The following SLC24A2 variants were observed in gnomAD, a reference collection of about 807,000 sequenced individuals.
The protein encoded by SLC24A2 is sodium/potassium/calcium exchanger 2.
A neutral mutation model predicts 62.0 loss-of-function variants in SLC24A2; 36 were observed. The observed-to-expected ratio is 0.58, with a 90% confidence interval of 0.44 to 0.77. The LOEUF (loss-of-function observed/expected upper bound fraction) is 0.77, where lower values mean the gene tolerates loss of function less well. SLC24A2 is among the 30% of genes least tolerant of loss of function. SLC24A2 has a pLI of 0.00. For synonymous variants in SLC24A2, 358 were observed against 294.0 expected, an observed-to-expected ratio of 1.22 and a Z score of -2.23; for missense variants, 846 against 817.9, an observed-to-expected ratio of 1.03 and a Z score of -0.42.
chr9:20,050,390 T>C, the SLC24A2 span, among the ~76,000 whole-genome samples: 5 of 152,184 alleles, frequency 3.3e-5, no homozygotes, highest in African/African-American at 1.2e-4. Flanking sequence ...CACTCTAGCC[T>C]GGATGACAGA....
intron 2 of SLC24A2, among the ~76,000 whole-genome samples, chr9:19,633,118 T>G (rs1334428715): frequency 1.3e-5 from 2 of 152,242 alleles, no homozygotes; most frequent in South Asian, 4.1e-4. Flanking sequence ...AGGGTCTAAG[T>G]TATTGTATGT....
chr9:20,300,050 G>T, the SLC24A2 span, among the ~76,000 whole-genome samples: 2 of 152,178 alleles, frequency 1.3e-5, no homozygotes, highest in Non-Finnish European at 1.5e-5. Flanking sequence ...AAATATAGAA[G>T]ATGGATAGGT....
intron 1 of SLC24A2, chr9:19,788,450 G>T: frequency 1.1e-6 from 1 of 948,662 alleles, no homozygotes; most frequent in Non-Finnish European, 1.3e-6. Context: ...GCCCCCAGCC[G>T]CGCCCCAACT....
the SLC24A2 span, among the ~76,000 whole-genome samples, chr9:19,969,182 G>GCC: frequency 3.0e-5 from 1 of 33,474 alleles, no homozygotes; most frequent in Non-Finnish European, 7.3e-5. Context: ...CACCTCCTTT[G>GCC]CCACACACAC....
intron 2 of SLC24A2, among the ~76,000 whole-genome samples, chr9:19,749,849 C>T (rs1821933568): frequency 6.6e-6 from 1 of 152,174 alleles, no homozygotes; most frequent in Non-Finnish European, 1.5e-5. Context: ...CTGGGACTTG[C>T]TAACATTTTT....
intron 2 of SLC24A2, among the ~76,000 whole-genome samples, chr9:19,750,812 G>A (rs1365813754): frequency 6.6e-6 from 1 of 152,110 alleles, no homozygotes; most frequent in Admixed American, 6.6e-5. Context: ...CAAGCTACCG[G>A]CCAGGTGTCT....
the SLC24A2 span, among the ~76,000 whole-genome samples, chr9:20,271,532 T>G: frequency 6.6e-6 from 1 of 152,236 alleles, no homozygotes; most frequent in African/African-American, 2.4e-5. Flanking sequence ...TGACTGAGAT[T>G]ATCAGCACAC....
the SLC24A2 span, among the ~76,000 whole-genome samples, chr9:20,248,778 G>GGATC: frequency 6.6e-6 from 1 of 152,158 alleles, no homozygotes; most frequent in Non-Finnish European, 1.5e-5. Flanking sequence ...CTATCCAACT[G>GGATC]CAAATCCTGA....
In SLC24A2 at chr9:19,712,751, G is replaced by A. The variant is rs1820750205; in HGVS notation, c.930+73186C>T. Among the ~76,000 whole-genome samples, 5 of 152,194 alleles carry A rather than the reference G, an allele frequency of 3.3e-5. No homozygotes were observed. In the South Asian group the frequency reaches 1.0e-3, roughly 32 times the overall value. ...TCTTATCCTGGAATGCTCTTTCTCT[G>A]GATCAGGGTTTCTTAACTTCAGTGC... On this transcript the variant is annotated intron_variant, in intron 2 of 10. Coordinates refer to ENST00000341998, the MANE Select transcript of SLC24A2 (RefSeq NM_020344.4).
rs12236893 is a variant in SLC24A2 at position 19,513,200 on chromosome 9, T to C, written c.*2953A>G. 1.0e-5 allele frequency: 1 copy of C among 97,504 alleles called. No individual in the cohort carries two copies. Among genetic ancestry groups the C allele is most frequent in the Non-Finnish European group, 2.0e-5 (1 of 50,230 alleles). 6.0% of individuals were successfully genotyped at this position (97,504 alleles called of 1,614,324 possible). A position where few individuals can be genotyped will look rare whatever the true frequency, so the allele number is the denominator to read the frequency against. On this transcript the variant is annotated 3_prime_UTR_variant, in exon 11 of 11. Transcript: ENST00000341998. Reference sequence around the variant, plus strand: ...TGTATATATATATATATGTATATATTTATATATGTATATACACAGGCATGC... The same window carrying C: ...TGTATATATATATATATGTATATATCTATATATGTATATACACAGGCATGC...
chr9:20,092,662 T>C, the SLC24A2 span, among the ~76,000 whole-genome samples: 13 of 152,234 alleles, frequency 8.5e-5, no homozygotes, highest in South Asian at 4.1e-4. Context: ...TATGGATACA[T>C]TGTATGCTTA....
At chr9:19,670,845 G>A (rs1026338812) in intron 2 of SLC24A2, among the ~76,000 whole-genome samples, 43 of 152,150 alleles carry the variant, frequency 2.8e-4, no homozygotes, top group African/African-American at 1.0e-3. Flanking sequence ...TGTGCTCGAT[G>A]AACCTTATGG....
chr9:20,073,827 TA>T, the SLC24A2 span, among the ~76,000 whole-genome samples: 2 of 150,860 alleles, frequency 1.3e-5, no homozygotes, highest in South Asian at 4.2e-4. Flanking sequence ...TGCATAATAC[TA>T]ATACAAACTT....
intron 2 of SLC24A2, among the ~76,000 whole-genome samples, chr9:19,622,767 T>A (rs991652307): frequency 1.4e-4 from 21 of 152,106 alleles, no homozygotes; most frequent in African/African-American, 4.6e-4. Context: ...GATACCAAAC[T>A]GTTATTAGTG....
At chr9:20,164,867 A>G in the SLC24A2 span, among the ~76,000 whole-genome samples, 26 of 151,560 alleles carry the variant, frequency 1.7e-4, no homozygotes, top group African/African-American at 6.3e-4. Context: ...CATCATTCTC[A>G]GTAAACTATC....
the SLC24A2 span, among the ~76,000 whole-genome samples, chr9:20,065,552 G>T: frequency 2.0e-5 from 3 of 152,178 alleles, no homozygotes; most frequent in African/African-American, 4.8e-5. Context: ...AATACTTCCA[G>T]CAACACTGTG....
chr9:19,684,092 G>C (rs568477300), intron 2 of SLC24A2, among the ~76,000 whole-genome samples: 43 of 152,296 alleles, frequency 2.8e-4, no homozygotes, highest in Admixed American at 1.6e-3. Context: ...GGGTGCTCTA[G>C]GGGACCAGGC....
At chr9:19,629,425 AC>A (rs1308130819) in intron 2 of SLC24A2, among the ~76,000 whole-genome samples, 73 of 152,228 alleles carry the variant, frequency 4.8e-4, no homozygotes, top group Admixed American at 1.5e-3. Flanking sequence ...TTTATTTTGT[AC>A]AAAAAGCTAG....
chr9:20,089,438 C>T, the SLC24A2 span, among the ~76,000 whole-genome samples: 4 of 152,100 alleles, frequency 2.6e-5, no homozygotes, highest in African/African-American at 4.8e-5. Context: ...TGCAGTGCTA[C>T]TGCCCTAACA....
Sources: gnomAD v4.1 joint callset for allele counts (sites outside exome capture counted in the v4.1 genomes callset) on GRCh38, gnomAD v4.1.1 for gene constraint, MANE v1.5 for transcripts, NCBI Gene and HGNC (gene_info 2026-07-23, HGNC 2026-07-21) for gene names.